Variants in MED12L observed in about 807,000 individuals in gnomAD.
MED12L encodes the protein mediator of RNA polymerase II transcription subunit 12-like protein.
Under a neutral mutation model 281.3 loss-of-function variants are expected in MED12L, and 60 were observed. That is an observed-to-expected ratio of 0.21 (90% CI 0.17 to 0.26). The LOEUF (loss-of-function observed/expected upper bound fraction) is 0.26. Among genes scored for constraint, MED12L ranks in the 10% least tolerant of loss-of-function variants. The pLI, the probability that MED12L is intolerant of heterozygous loss-of-function variation, is 1.00. For missense variants in MED12L, 2,146 were observed against 2,680.9 expected (o/e 0.80, Z 4.41); for synonymous variants, 974 against 987.2 (o/e 0.99, Z 0.25).
chr3:151,292,800 C>CTA (rs1056307730), intron 16 of MED12L, among the ~76,000 whole-genome samples: 11 of 152,108 alleles, frequency 7.2e-5, no homozygotes, highest in African/African-American at 1.4e-4. Context: ...TGCTCCTCCT[C>CTA]TATATATATA....
chr3:151,414,562 C>T (rs1411627800), intron 42 of MED12L, among the ~76,000 whole-genome samples: 8 of 152,164 alleles, frequency 5.3e-5, no homozygotes, highest in Admixed American at 5.2e-4. Context: ...AGTCTGAATT[C>T]AGTGTGATCC....
At chr3:151,159,307 G>C (rs933545982) in intron 7 of MED12L, among the ~76,000 whole-genome samples, 4 of 152,206 alleles carry the variant, frequency 2.6e-5, no homozygotes, top group African/African-American at 9.7e-5. Context: ...ATTCAAGGAA[G>C]ATGGAAGAAT....
At chr3:151,413,914 T>C (rs1173236745) in intron 42 of MED12L, among the ~76,000 whole-genome samples, 4 of 151,582 alleles carry the variant, frequency 2.6e-5, no homozygotes, top group African/African-American at 9.7e-5. Flanking sequence ...TCTCCCTCTG[T>C]CACCCAGGCT....
intron 3 of MED12L, 108 bp from the exon 4 acceptor site, chr3:151,122,675 G>T: frequency 1.4e-6 from 1 of 731,458 alleles, no homozygotes; most frequent in Admixed American, 3.6e-5. Flanking sequence ...TTTTCTGATG[G>T]GATGTATGAA....
intron 2 of MED12L, among the ~76,000 whole-genome samples, chr3:151,089,960 C>T (rs1167247315): frequency 1.3e-5 from 2 of 152,162 alleles, no homozygotes; most frequent in African/African-American, 4.8e-5. Flanking sequence ...TCCAATCCAC[C>T]AGATGCTCTC....
chr3:151,338,052 C>G lies in MED12L; in HGVS notation c.2251-12007C>G, dbSNP rs755459581. ...TTCAGCAGTGCAGTCAAAGACATCCCGGGTTTGGCTCAGGGTGTAAGGAAT... is the reference window on the plus strand; with the variant it reads ...TTCAGCAGTGCAGTCAAAGACATCCGGGGTTTGGCTCAGGGTGTAAGGAAT... On this transcript the variant is annotated intron_variant, in intron 16 of 44. Transcript: ENST00000687756. The G allele has an allele frequency of 4.7e-5, 76 of 1,613,896 alleles. No homozygotes were observed. Among genetic ancestry groups the G allele is most frequent in the Non-Finnish European group, 6.2e-5 (73 of 1,179,954 alleles).
chr3:151,174,803 G>C (rs1276254282), intron 11 of MED12L, among the ~76,000 whole-genome samples: 1 of 152,068 alleles, frequency 6.6e-6, no homozygotes, highest in Non-Finnish European at 1.5e-5. Flanking sequence ...TTGCAGCCTT[G>C]AACTCCTGGG....
chr3:151,238,100 T>G (rs535977751), intron 16 of MED12L, among the ~76,000 whole-genome samples: 1 of 152,316 alleles, frequency 6.6e-6, no homozygotes, highest in East Asian at 1.9e-4. Context: ...TCTTAAAACT[T>G]TTCTGTCCTA....
At chr3:151,222,588 A>G (rs1052214443) in intron 16 of MED12L, among the ~76,000 whole-genome samples, 1 of 152,228 alleles carries the variant, frequency 6.6e-6, no homozygotes, top group African/African-American at 2.4e-5. Flanking sequence ...GTCTGCCACC[A>G]TGTGAGATGT....
chr3:151,272,363 C>T (rs1482410028), intron 16 of MED12L, among the ~76,000 whole-genome samples: 2 of 152,176 alleles, frequency 1.3e-5, no homozygotes, highest in East Asian at 3.8e-4. Context: ...TTTTTCTACT[C>T]AGTATATCAT....
chr3:151,270,390 T>A (rs1266303796), intron 16 of MED12L, among the ~76,000 whole-genome samples: 1 of 152,134 alleles, frequency 6.6e-6, no homozygotes, highest in Non-Finnish European at 1.5e-5. Flanking sequence ...TTTTATCCCT[T>A]CTTGTCTGAA....
At chr3:151,141,197 T>G (rs1312798642) in intron 5 of MED12L, among the ~76,000 whole-genome samples, 1 of 146,462 alleles carries the variant, frequency 6.8e-6, no homozygotes, top group Non-Finnish European at 1.5e-5. Context: ...GTTTTTTTTT[T>G]TTTGTTAGTA....
chr3:151,284,124 TGATAAACA>T (rs1428027709), intron 16 of MED12L, among the ~76,000 whole-genome samples: 1 of 152,236 alleles, frequency 6.6e-6, no homozygotes, highest in African/African-American at 2.4e-5. Flanking sequence ...ACAGTTGTTC[TGATAAACA>T]GTGCTGCTTG....
At position 151,163,954 on chromosome 3, in the gene MED12L, G is replaced by T; in HGVS notation, c.1169G>T (p.Ser390Ile). The change falls in exon 9 of 45, where the codon AGC becomes ATC. Residue 390 changes from serine (S) to isoleucine (I), a missense_variant. By Grantham distance (142) the Ser-to-Ile change is moderately radical. Coordinates refer to ENST00000687756, the MANE Select transcript of MED12L (RefSeq NM_001393769.1). ...VWNYSTNENK[S>I]ANPGSPLDLL... ...AATTATTCCACAAATGAAAATAAGA[G>T]CGCAAACCCAGGCTCACCCCTGGAT... is the stretch of plus-strand genomic sequence containing the variant. 2 of 1,613,458 alleles carry T rather than the reference G, an allele frequency of 1.2e-6. No homozygotes were observed.
At chr3:151,159,758 A>G in intron 7 of MED12L, 74 bp from the exon 8 acceptor site, 2 of 1,376,790 alleles carry the variant, frequency 1.5e-6, no homozygotes, top group Non-Finnish European at 2.0e-6. Context: ...AATGAAAAAA[A>G]GTCTGTGTTA....
Position 151,213,916 on chromosome 3 carries a change from G to A in MED12L, c.2250+20250G>A. 6.2e-7 allele frequency: 1 copy of A among 1,614,116 alleles called. No individual in the cohort carries two copies. The highest frequency in any genetic ancestry group is 8.5e-7 in the Non-Finnish European group (1 of 1,179,978). ...TGACAGAAGTTTGCTGTAACTCACT[G>A]ACTGGATGAAAGAAGTCCAAAGAGG... On this transcript the variant is annotated intron_variant, in intron 16 of 44. Transcript: ENST00000687756.
Position 151,432,809 on chromosome 3 carries a change from G to T in MED12L, c.*5G>T, listed in dbSNP as rs759963667. On this transcript the variant is annotated 3_prime_UTR_variant, in exon 45 of 45. Coordinates refer to ENST00000687756, the MANE Select transcript of MED12L (RefSeq NM_001393769.1). ...GGGCATCCTTCACACTTCTGAATCTGCAAGAGGAGAAGACATGACGTTTTA... is the reference window on the plus strand; with the variant it reads ...GGGCATCCTTCACACTTCTGAATCTTCAAGAGGAGAAGACATGACGTTTTA... 11 of 1,610,948 alleles carry T rather than the reference G, an allele frequency of 6.8e-6. No individual in the cohort carries two copies. Among genetic ancestry groups the T allele is most frequent in the African/African-American group, 1.3e-5 (1 of 74,842 alleles).
intron 31 of MED12L, 120 bp from the exon 32 acceptor site, chr3:151,379,993 T>C: frequency 1.6e-6 from 1 of 616,424 alleles, no homozygotes; most frequent in Non-Finnish European, 2.8e-6. Context: ...TTTCAAGCAG[T>C]CTTTGGCTAT....
intron 16 of MED12L, among the ~76,000 whole-genome samples, chr3:151,339,552 C>A (rs1751525768): frequency 6.6e-6 from 1 of 151,728 alleles, no homozygotes; most frequent in African/African-American, 2.4e-5. Flanking sequence ...ATATTTTAAC[C>A]CATGTGTATC....
Sources: allele counts gnomAD v4.1 joint callset (sites outside exome capture counted in the v4.1 genomes callset), GRCh38; gene constraint gnomAD v4.1.1; transcripts MANE v1.5; gene names NCBI Gene and HGNC (gene_info 2026-07-23, HGNC 2026-07-21).